ULK4: variants seen among roughly 807,000 people sequenced by gnomAD.
ULK4 encodes unc-51 like kinase 4.
ULK4 carries 133 observed loss-of-function variants against 160.6 expected under a neutral mutation model. The ratio of observed to expected loss-of-function variants is 0.83; its 90% CI spans 0.72 to 0.96. The LOEUF (loss-of-function observed/expected upper bound fraction) is 0.96. Ranked by LOEUF, ULK4 falls within the 40% of genes least tolerant of loss-of-function variation. The pLI is 0.00. For missense variants in ULK4, 1,580 were observed against 1,499.5 expected (o/e 1.05, Z -0.89); for synonymous variants, 534 against 539.8 (o/e 0.99, Z 0.15).
chr3:41,568,319 G>A (rs1317942246), intron 31 of ULK4, among the ~76,000 whole-genome samples: 5 of 152,222 alleles, frequency 3.3e-5, no homozygotes, highest in Non-Finnish European at 7.3e-5. Flanking sequence ...GCTAGAGCAA[G>A]CAAAGCATAG....
At position 41,521,673 on chromosome 3, in the gene ULK4, C is replaced by T. The variant is rs887757747; in HGVS notation, c.3226+44352G>A. On this transcript the variant is annotated intron_variant, in intron 32 of 36. Transcript: ENST00000301831. ...TTCTCAAGATCTGCTTACATGGTCC[C>T]ATGTGAAGATCACTCAGCTGTTTTT... is the stretch of plus-strand genomic sequence containing the variant. Among the ~76,000 whole-genome samples the T allele has an allele frequency of 2.0e-5, 3 of 152,150 alleles. 1 individual carries two copies. Among genetic ancestry groups the T allele is most frequent in the Admixed American group, 1.3e-4 (2 of 15,278 alleles).
At chr3:41,713,703 G>C in intron 25 of ULK4, among the ~76,000 whole-genome samples, 1 of 151,816 alleles carries the variant, frequency 6.6e-6, no homozygotes. Flanking sequence ...ATATTGAAAA[G>C]ACCCAACAGA....
chr3:41,755,769 C>T (rs2038777814), intron 21 of ULK4, among the ~76,000 whole-genome samples: 1 of 152,144 alleles, frequency 6.6e-6, no homozygotes, highest in African/African-American at 2.4e-5. Context: ...GTTTTGTTCC[C>T]ATAAAGAACA....
chr3:41,617,566 A>ACAACAT (rs547173165), intron 30 of ULK4, among the ~76,000 whole-genome samples: 9,539 of 152,138 alleles, frequency 0.063, 442 homozygotes, highest in African/African-American at 0.13. Flanking sequence ...ACAGAAAACA[A>ACAACAT]CAACATCAAC....
intron 32 of ULK4, among the ~76,000 whole-genome samples, chr3:41,513,784 A>G (rs1559664361): frequency 1.3e-5 from 2 of 152,188 alleles, no homozygotes; most frequent in Non-Finnish European, 2.9e-5. Context: ...AAGGCATAAA[A>G]ATGATACAAT....
chr3:41,664,285 G>A (rs539096164), intron 29 of ULK4, among the ~76,000 whole-genome samples: 2 of 152,136 alleles, frequency 1.3e-5, no homozygotes, highest in Non-Finnish European at 2.9e-5. Flanking sequence ...AGAATTCACA[G>A]GACTCAGCAT....
At chr3:41,587,482 T>C (rs2030911732) in intron 31 of ULK4, among the ~76,000 whole-genome samples, 1 of 152,170 alleles carries the variant, frequency 6.6e-6, no homozygotes, top group Non-Finnish European at 1.5e-5. Flanking sequence ...GCCAGACTGA[T>C]AAAATGCATT....
At chr3:41,762,714 G>C (rs1035618474) in intron 21 of ULK4, among the ~76,000 whole-genome samples, 3 of 145,938 alleles carry the variant, frequency 2.1e-5, no homozygotes, top group African/African-American at 7.7e-5. Context: ...CCAGGCTGGA[G>C]TGCAGTGGCA....
intron 21 of ULK4, among the ~76,000 whole-genome samples, chr3:41,764,000 C>T (rs538010557): frequency 6.6e-6 from 1 of 152,314 alleles, no homozygotes; most frequent in Admixed American, 6.5e-5. Flanking sequence ...AAGTTTTGTG[C>T]TACCCAAAGG....
chr3:41,504,811 T>C (rs2085324380), intron 32 of ULK4, among the ~76,000 whole-genome samples: 1 of 152,214 alleles, frequency 6.6e-6, no homozygotes, highest in Admixed American at 6.5e-5. Flanking sequence ...ATAGATCATT[T>C]TCAATCTAAT....
At chr3:41,454,756 G>A (rs985283537) in intron 34 of ULK4, among the ~76,000 whole-genome samples, 15 of 151,822 alleles carry the variant, frequency 9.9e-5, no homozygotes, top group Admixed American at 8.5e-4. Context: ...GAAGTGGCAC[G>A]ATCTTGGTTC....
At position 41,800,244 on chromosome 3, in the gene ULK4, C is replaced by T; in HGVS notation, c.1898G>A (p.Cys633Tyr). ...CTGGGACTGAGCAGAAAAGGTGGTA[C>T]AGACATTTTCAATAATTTTTGCTGC... is the stretch of plus-strand genomic sequence containing the variant. ...HMAAKIIENV[C>Y]TTFSAQSQGF... Residue 633 changes from cysteine to tyrosine, a missense_variant, in exon 20 of 37, where the codon TGT (cysteine) becomes TAT (tyrosine). Coordinates refer to ENST00000301831, the MANE Select transcript of ULK4 (RefSeq NM_017886.4). 1.2e-6 allele frequency: 2 copies of T among 1,613,272 alleles called. No homozygotes were observed. Among genetic ancestry groups the T allele is most frequent in the African/African-American group, 1.3e-5 (1 of 74,986 alleles).
At chr3:41,429,479 G>C (rs1460889339) in intron 34 of ULK4, among the ~76,000 whole-genome samples, 2 of 152,126 alleles carry the variant, frequency 1.3e-5, no homozygotes, top group Non-Finnish European at 2.9e-5. Flanking sequence ...ATTCACAATA[G>C]CAAAGACATG....
intron 21 of ULK4, among the ~76,000 whole-genome samples, chr3:41,787,075 C>T (rs1042229927): frequency 2.6e-5 from 4 of 152,138 alleles, no homozygotes; most frequent in Non-Finnish European, 5.9e-5. Context: ...TAGAAAATAG[C>T]TACTCTACTT....
chr3:41,332,882 C>T (rs7610589), intron 35 of ULK4, among the ~76,000 whole-genome samples: 44,185 of 152,054 alleles, frequency 0.29, 7,324 homozygotes, highest in African/African-American at 0.46. Flanking sequence ...GTTTTGTTCC[C>T]ACTTACAAGT....
At chr3:41,437,968 C>G (rs1433643115) in intron 34 of ULK4, among the ~76,000 whole-genome samples, 1 of 151,962 alleles carries the variant, frequency 6.6e-6, no homozygotes, top group East Asian at 1.9e-4. Context: ...ACTTGGTGCT[C>G]TGGGGATGGG....
chr3:41,323,096 C>G (rs553680525), intron 35 of ULK4, among the ~76,000 whole-genome samples: 2 of 152,036 alleles, frequency 1.3e-5, no homozygotes, highest in Non-Finnish European at 2.9e-5. Context: ...CACCACCATG[C>G]CCGGCTAATT....
intron 31 of ULK4, among the ~76,000 whole-genome samples, chr3:41,584,396 AC>A (rs531936096): frequency 6.6e-6 from 1 of 151,000 alleles, no homozygotes; most frequent in African/African-American, 2.4e-5. Context: ...AGCTCAAGTG[AC>A]CCCCCTGCCT....
chr3:41,680,851 T>C (rs772118495), intron 29 of ULK4, among the ~76,000 whole-genome samples: 21 of 152,338 alleles, frequency 1.4e-4, no homozygotes, highest in Admixed American at 6.5e-4. Context: ...TTCTTTAATA[T>C]TGACATATGG....
Sources: gnomAD v4.1 joint callset for allele counts (sites outside exome capture counted in the v4.1 genomes callset) on GRCh38, gnomAD v4.1.1 for gene constraint, MANE v1.5 for transcripts, NCBI Gene and HGNC (gene_info 2026-07-23, HGNC 2026-07-21) for gene names.